Variants in TAFA1 observed in about 807,000 individuals in gnomAD.
The protein encoded by TAFA1 is chemokine-like protein TAFA-1.
A neutral mutation model predicts 18.5 loss-of-function variants in TAFA1; 4 were observed. The ratio of observed to expected loss-of-function variants is 0.22; its 90% CI spans 0.11 to 0.49. The LOEUF is 0.49. Among genes scored for constraint, TAFA1 ranks in the 20% least tolerant of loss-of-function variants. TAFA1 has a pLI of 0.98. For synonymous variants in TAFA1, 56 were observed against 55.2 expected, an observed-to-expected ratio of 1.01 and a Z score of -0.06; for missense variants, 147 against 169.0, an observed-to-expected ratio of 0.87 and a Z score of 0.72.
At position 68,477,414 on chromosome 3, in the gene TAFA1, G is replaced by A. The variant is rs150744481; in HGVS notation, c.259+59994G>A. ...TTTGAGATGGAGTTTTGCTTTTGTC[G>A]CCCAGGCTGGAGTGCAGTGGTGCAA... On this transcript the variant is annotated intron_variant, in intron 3 of 4. Coordinates refer to ENST00000478136, the MANE Select transcript of TAFA1 (RefSeq NM_213609.4). 5.2e-3 allele frequency among the ~76,000 whole-genome samples: 795 copies of A among 152,010 alleles called. 4 individuals carry two copies. Among genetic ancestry groups the A allele is most frequent in the Middle Eastern group, 0.014 (4 of 292 alleles).
chr3:68,479,241 A>AAAAAATATATATATAT (rs1353493315), intron 3 of TAFA1, among the ~76,000 whole-genome samples: 1 of 123,668 alleles, frequency 8.1e-6, no homozygotes, highest in East Asian at 2.5e-4. Context: ...AAAAAAAAAA[A>AAAAAATATATATATAT]ATATATATAT....
intron 3 of TAFA1, among the ~76,000 whole-genome samples, chr3:68,418,785 G>A (rs1397902089): frequency 6.6e-6 from 1 of 152,112 alleles, no homozygotes. Context: ...CAAACCCTGT[G>A]CTAAACACTT....
intron 2 of TAFA1, among the ~76,000 whole-genome samples, chr3:68,289,053 TACA>T (rs2068066200): frequency 6.6e-6 from 1 of 152,192 alleles, no homozygotes; most frequent in Non-Finnish European, 1.5e-5. Context: ...ATCATAAATG[TACA>T]GCTCAATGAA....
chr3:68,394,480 G>T (rs2070333890), intron 2 of TAFA1, among the ~76,000 whole-genome samples: 1 of 151,960 alleles, frequency 6.6e-6, no homozygotes, highest in African/African-American at 2.4e-5. Flanking sequence ...AACCAAAAAG[G>T]AGCCCATACA....
chr3:68,399,462 G>A, intron 2 of TAFA1, among the ~76,000 whole-genome samples: 1 of 151,978 alleles, frequency 6.6e-6, no homozygotes. Context: ...CAATTGCTAG[G>A]AATCAATGAT....
chr3:68,514,514 C>G (rs2072893330), intron 3 of TAFA1, among the ~76,000 whole-genome samples: 1 of 152,036 alleles, frequency 6.6e-6, no homozygotes, highest in African/African-American at 2.4e-5. Context: ...AAATGCCATT[C>G]AACTGATTTA....
chr3:68,333,214 A>G (rs2068911702), intron 2 of TAFA1, among the ~76,000 whole-genome samples: 1 of 152,192 alleles, frequency 6.6e-6, no homozygotes, highest in South Asian at 2.1e-4. Flanking sequence ...TATGTTTTTC[A>G]CATCACCATT....
intron 2 of TAFA1, among the ~76,000 whole-genome samples, chr3:68,373,676 G>T (rs959542661): frequency 1.3e-5 from 2 of 152,168 alleles, no homozygotes; most frequent in Middle Eastern, 3.2e-3. Flanking sequence ...AAATGCTGAT[G>T]TCAGAGCTAC....
upstream of TAFA1, among the ~76,000 whole-genome samples, chr3:68,002,993 G>T (rs1704300849): frequency 1.3e-5 from 2 of 152,196 alleles, no homozygotes; most frequent in Non-Finnish European, 1.5e-5. Context: ...TGTACAGTCA[G>T]TGTAAACTTT....
chr3:68,435,721 CA>C (rs1386706984), intron 3 of TAFA1, among the ~76,000 whole-genome samples: 3 of 152,152 alleles, frequency 2.0e-5, no homozygotes, highest in Admixed American at 6.5e-5. Flanking sequence ...GCATCTTAGC[CA>C]CATGACTGTG....
chr3:68,373,478 G>A (rs1477105565), intron 2 of TAFA1, among the ~76,000 whole-genome samples: 2 of 152,064 alleles, frequency 1.3e-5, no homozygotes, highest in Admixed American at 1.3e-4. Flanking sequence ...ATCAACTCAG[G>A]GAGAGGGACT....
chr3:68,487,751 CAAA>C (rs35345325), intron 3 of TAFA1, among the ~76,000 whole-genome samples: 6 of 66,850 alleles, frequency 9.0e-5, no homozygotes, highest in Admixed American at 3.8e-4. Context: ...AACTCTGTCT[CAAA>C]AAAAAAAAAA....
intron 2 of TAFA1, among the ~76,000 whole-genome samples, chr3:68,185,053 C>G (rs2066253100): frequency 6.6e-6 from 1 of 152,108 alleles, no homozygotes; most frequent in Admixed American, 6.6e-5. Context: ...AGACAATTGT[C>G]TAAAAGCCTC....
intron 2 of TAFA1, among the ~76,000 whole-genome samples, chr3:68,092,637 A>C (rs1159674791): frequency 6.6e-6 from 1 of 152,186 alleles, no homozygotes; most frequent in East Asian, 1.9e-4. Flanking sequence ...GGGGCTTATT[A>C]AGCAGTTTTC....
Position 68,067,679 on chromosome 3 carries a change from C to A in TAFA1, c.118+60935C>A, listed in dbSNP as rs955845161. On this transcript the variant is annotated intron_variant, in intron 2 of 4. Coordinates refer to ENST00000478136, the MANE Select transcript of TAFA1 (RefSeq NM_213609.4). ...ACTGTAAATTGCTAAGCATTATGAC[C>A]ATCCGGTAGCCAACTTTTCTTCCTT... Among the ~76,000 whole-genome samples, 3 of 152,248 alleles carry A rather than the reference C, an allele frequency of 2.0e-5. No individual in the cohort carries two copies. In the East Asian group the frequency reaches 5.8e-4, roughly 29 times the overall value.
At chr3:68,267,979 A>G (rs2067581761) in intron 2 of TAFA1, among the ~76,000 whole-genome samples, 1 of 152,178 alleles carries the variant, frequency 6.6e-6, no homozygotes, top group Admixed American at 6.5e-5. Flanking sequence ...TTTCTTAGTC[A>G]TGAACTCATT....
At chr3:68,256,480 T>C (rs763667537) in intron 2 of TAFA1, among the ~76,000 whole-genome samples, 12 of 152,146 alleles carry the variant, frequency 7.9e-5, no homozygotes, top group Non-Finnish European at 1.6e-4. Flanking sequence ...TCTCCACATA[T>C]TGTAGTACAA....
chr3:68,536,915 A>G lies in TAFA1; in HGVS notation c.260-1841A>G, dbSNP rs892457316. Among the ~76,000 whole-genome samples the G allele has an allele frequency of 2.0e-5, 3 of 152,150 alleles. No individual in the cohort carries two copies. The East Asian group carries it at 5.8e-4, about 29-fold the overall frequency. On this transcript the variant is annotated intron_variant, in intron 3 of 4. Transcript: ENST00000478136. ...ATCAACTATACTCTTGATGGTAAGG[A>G]TATATTTTTATCTAATATTACTCTT...
At chr3:68,174,941 T>C (rs1415850472) in intron 2 of TAFA1, among the ~76,000 whole-genome samples, 9 of 152,312 alleles carry the variant, frequency 5.9e-5, no homozygotes, top group Admixed American at 1.3e-4. Flanking sequence ...TTCTCCATGC[T>C]GTGTGCAGCC....
Sources: gnomAD v4.1 joint callset for allele counts (sites outside exome capture counted in the v4.1 genomes callset) on GRCh38, gnomAD v4.1.1 for gene constraint, MANE v1.5 for transcripts, NCBI Gene and HGNC (gene_info 2026-07-23, HGNC 2026-07-21) for gene names.